Variants in SLC4A5 observed in about 807,000 individuals in gnomAD.
SLC4A5 encodes the protein electrogenic sodium bicarbonate cotransporter 4.
A neutral mutation model predicts 120.4 loss-of-function variants in SLC4A5; 96 were observed. The ratio of observed to expected loss-of-function variants is 0.80; its 90% CI spans 0.68 to 0.94. The LOEUF (loss-of-function observed/expected upper bound fraction) is 0.94, where lower values mean the gene tolerates loss of function less well. Among genes scored for constraint, SLC4A5 ranks in the 40% least tolerant of loss-of-function variants. SLC4A5 has a pLI of 0.00. For synonymous variants in SLC4A5, 550 were observed against 571.1 expected (o/e 0.96, Z 0.53); for missense variants, 1,259 against 1,459.5 (o/e 0.86, Z 2.24).
intron 19 of SLC4A5, among the ~76,000 whole-genome samples, chr2:74,245,752 A>G (rs1179000915): frequency 6.6e-6 from 1 of 152,264 alleles, no homozygotes; most frequent in Non-Finnish European, 1.5e-5. Flanking sequence ...CACAAGGCCT[A>G]AAGTAGGGCA....
intron 7 of SLC4A5, among the ~76,000 whole-genome samples, chr2:74,298,803 C>T (rs1672399248): frequency 2.0e-5 from 3 of 152,114 alleles, no homozygotes; most frequent in Admixed American, 1.3e-4. Flanking sequence ...CCCAGTGCCT[C>T]AGGAAGCTGA....
chr2:74,271,039 C>G (rs1184433077), intron 8 of SLC4A5, among the ~76,000 whole-genome samples: 1 of 152,168 alleles, frequency 6.6e-6, no homozygotes, highest in Non-Finnish European at 1.5e-5. Context: ...ACCAGTGTGC[C>G]TCAAACTCTA....
chr2:74,327,756 C>A (rs1289902391), intron 5 of SLC4A5, among the ~76,000 whole-genome samples: 8 of 152,108 alleles, frequency 5.3e-5, no homozygotes, highest in Non-Finnish European at 1.2e-4. Context: ...CAGTCTAACA[C>A]ATTTGACAAA....
At chr2:74,285,961 G>C in intron 7 of SLC4A5, 59 bp from the exon 8 acceptor site, 1 of 1,504,110 alleles carries the variant, frequency 6.6e-7, no homozygotes, top group Non-Finnish European at 8.9e-7. Context: ...AGGACCACAA[G>C]GCCAACAGAA....
At chr2:74,290,110 G>A in intron 7 of SLC4A5, 29 of 982,038 alleles carry the variant, frequency 3.0e-5, no homozygotes, top group Non-Finnish European at 3.5e-5. Context: ...TTGGGCCCCT[G>A]TGCCTGCCAT....
intron 6 of SLC4A5, among the ~76,000 whole-genome samples, chr2:74,310,262 T>G (rs1179825275): frequency 1.3e-5 from 2 of 152,226 alleles, no homozygotes; most frequent in African/African-American, 4.8e-5. Context: ...ATGTTTTATT[T>G]CTTCTTTCCC....
rs1036114743 is a variant in SLC4A5, at chr2:74,284,855, T to C, written c.401+918A>G. Among the ~76,000 whole-genome samples the C allele has an allele frequency of 7.9e-5, 12 of 152,264 alleles. 1 individual carries two copies. The South Asian group carries it at 1.9e-3, about 24-fold the overall frequency. On this transcript the variant is annotated intron_variant, in intron 8 of 30. Transcript: ENST00000394019. ...GGAGTGCTCTCTGCTCCACACGCTT[T>C]TCTCCATGGCTCCAACTCTGCAGCC...
At chr2:74,327,099 G>C (rs955694662) in intron 5 of SLC4A5, among the ~76,000 whole-genome samples, 4 of 152,298 alleles carry the variant, frequency 2.6e-5, no homozygotes, top group South Asian at 2.1e-4. Flanking sequence ...ACTGGGAACA[G>C]AACAAAATAG....
chr2:74,296,190 T>C (rs999416863), intron 7 of SLC4A5, among the ~76,000 whole-genome samples: 1 of 152,074 alleles, frequency 6.6e-6, no homozygotes, highest in African/African-American at 2.4e-5. Flanking sequence ...GCAGTATATG[T>C]TGAAAATTCG....
Position 74,248,489 on chromosome 2 carries a change from G to T in SLC4A5, c.1654-3C>A. 6.2e-7 allele frequency: 1 copy of T among 1,613,836 alleles called. No homozygotes were observed. The highest frequency in any genetic ancestry group is 8.5e-7 in the Non-Finnish European group (1 of 1,179,884). ...CCCAGGAAGCTCTCCATCACTCCCT[G>T]GGGGCACAAGGAATGTGTGGTTCAG... is the stretch of plus-strand genomic sequence containing the variant. On this transcript the variant is annotated splice_region_variant and splice_polypyrimidine_tract_variant and intron_variant, in intron 17 of 30. Coordinates refer to ENST00000394019, the Ensembl canonical transcript of SLC4A5.
In SLC4A5 at chr2:74,290,556, G is replaced by A. The variant is rs1672127142; in HGVS notation, c.272-4654C>T. ...AAAGATTATGCAAAAGTGTTTGAGA[G>A]AGAAAAGCTACACTGAGTTAATTAA... On this transcript the variant is annotated intron_variant, in intron 7 of 30. Transcript: ENST00000394019. 8 of 984,564 alleles carry A rather than the reference G, an allele frequency of 8.1e-6. 1 individual carries two copies. Among genetic ancestry groups the A allele is most frequent in the Admixed American group, 1.2e-4 (2 of 16,154 alleles). The allele number at this position is 984,564 out of a possible 1,614,324, so 61.0% of individuals were successfully genotyped here. A position where few individuals can be genotyped will look rare whatever the true frequency, so the allele number is the denominator to read the frequency against.
chr2:74,217,601 A>C (rs1017051774), exon 31 of SLC4A5: 1 of 152,216 alleles, frequency 6.6e-6, no homozygotes, highest in Non-Finnish European at 1.5e-5. Flanking sequence ...CCAGGTATGA[A>C]AAACCAGTGA....
At chr2:74,266,071 A>G (rs911140272) in intron 8 of SLC4A5, among the ~76,000 whole-genome samples, 3 of 152,190 alleles carry the variant, frequency 2.0e-5, no homozygotes, top group Non-Finnish European at 4.4e-5. Flanking sequence ...TCTAATTCTA[A>G]AGTTCCTCTA....
intron 11 of SLC4A5, 129 bp from the exon 12 acceptor site, chr2:74,259,772 A>G: frequency 1.2e-6 from 1 of 830,906 alleles, no homozygotes. Context: ...TTAATCCTGC[A>G]GTCCCCTTAA....
chr2:74,227,753 A>T, intron 26 of SLC4A5, 57 bp downstream of exon 26: 1 of 1,481,108 alleles, frequency 6.8e-7, no homozygotes, highest in African/African-American at 1.4e-5. Flanking sequence ...GGTGACATGG[A>T]ACCAGACATG....
At position 74,247,254 on chromosome 2, in the gene SLC4A5, G is replaced by A. The variant is rs1670642603; in HGVS notation, c.1841C>T (p.Ala614Val). 1.9e-6 allele frequency: 3 copies of A among 1,614,204 alleles called. No homozygotes were observed. In the East Asian group the frequency reaches 6.7e-5, roughly 36 times the overall value. Residue 614 changes from alanine (A) to valine (V), a missense_variant, in exon 19 of 31, where the codon GCT becomes GTT. Coordinates refer to ENST00000394019, the Ensembl canonical transcript of SLC4A5. ...GGCCACTAGGATAAGGCACTGGACAGCTGAGTGTAGGCCAATCCAGAGGCG... is the reference window on the plus strand; with the variant it reads ...GGCCACTAGGATAAGGCACTGGACAACTGAGTGTAGGCCAATCCAGAGGCG...
chr2:74,309,870 G>A (rs1672756287), intron 6 of SLC4A5, among the ~76,000 whole-genome samples: 1 of 151,584 alleles, frequency 6.6e-6, no homozygotes, highest in African/African-American at 2.4e-5. Flanking sequence ...CACCGTGTTA[G>A]CCAGGATGGT....
intron 10 of SLC4A5, 98 bp from the exon 11 acceptor site, chr2:74,262,330 A>G (rs1003567194): frequency 2.5e-6 from 2 of 785,156 alleles, no homozygotes; most frequent in African/African-American, 3.5e-5. Flanking sequence ...ACTGGGTGGC[A>G]AGACATGTCT....
chr2:74,228,498 C>T (rs191503715), intron 25 of SLC4A5, among the ~76,000 whole-genome samples: 3 of 152,246 alleles, frequency 2.0e-5, no homozygotes, highest in Admixed American at 2.0e-4. Context: ...GGCGTGGTGG[C>T]ACATGCCTGT....
Sources: allele counts gnomAD v4.1 joint callset (sites outside exome capture counted in the v4.1 genomes callset), GRCh38; gene constraint gnomAD v4.1.1; transcripts MANE v1.5; gene names NCBI Gene and HGNC (gene_info 2026-07-23, HGNC 2026-07-21).